GARIN3: variants seen among roughly 807,000 people sequenced by gnomAD.
The protein encoded by GARIN3 is Golgi-associated RAB2 interactor protein 3.
chr5:157,162,803 C>T, the GARIN3 span: 15 of 1,614,082 alleles, frequency 9.3e-6, no homozygotes, highest in South Asian at 3.3e-5. Context: ...TTGCCCCTTA[C>T]GTTGCTGTAC....
chr5:157,166,052 G>A, the GARIN3 span: 1 of 1,614,172 alleles, frequency 6.2e-7, no homozygotes, highest in Non-Finnish European at 8.5e-7. Flanking sequence ...ACTTGAAAAT[G>A]TTGTACTCTC....
At chr5:157,163,042 A>C in the GARIN3 span, 1 of 1,614,166 alleles carries the variant, frequency 6.2e-7, no homozygotes, top group Non-Finnish European at 8.5e-7. Context: ...TCGTTCACTC[A>C]TGTAGCCTTC....
At chr5:157,163,696 G>A in the GARIN3 span, 2 of 1,574,200 alleles carry the variant, frequency 1.3e-6, no homozygotes, top group Non-Finnish European at 8.6e-7. Context: ...AGATTGAGAT[G>A]ACTGAAAGGG....
the GARIN3 span, chr5:157,163,171 C>G: frequency 6.2e-7 from 1 of 1,614,180 alleles, no homozygotes; most frequent in Non-Finnish European, 8.5e-7. Flanking sequence ...TTGGGAGAGA[C>G]TGGCGGCCCC....
At chr5:157,162,526 C>A in the GARIN3 span, 1 of 1,614,032 alleles carries the variant, frequency 6.2e-7, no homozygotes, top group African/African-American at 1.3e-5. Context: ...CAGCTCCTGG[C>A]CACCCTGGGC....
the GARIN3 span, chr5:157,166,022 A>T: frequency 6.2e-7 from 1 of 1,614,042 alleles, no homozygotes; most frequent in South Asian, 1.1e-5. Flanking sequence ...GAATAAAATT[A>T]CTCTCGAACA....
chr5:157,162,744 C>T, the GARIN3 span: 24 of 1,614,072 alleles, frequency 1.5e-5, no homozygotes, highest in African/African-American at 3.1e-4. Flanking sequence ...TTCTCGACTC[C>T]TTTTTGGTGG....
the GARIN3 span, chr5:157,163,441 G>A: frequency 1.2e-5 from 19 of 1,614,054 alleles, no homozygotes; most frequent in Admixed American, 3.2e-4. Flanking sequence ...AGGTCCTGTT[G>A]CTGTTCCTGC....
chr5:157,161,916 C>T, the GARIN3 span: 1 of 153,180 alleles, frequency 6.5e-6, no homozygotes, highest in Non-Finnish European at 1.5e-5. Flanking sequence ...CATGATTTGC[C>T]AATTCCTGAT....
chr5:157,164,079 A>C, the GARIN3 span, among the ~76,000 whole-genome samples: 5 of 152,086 alleles, frequency 3.3e-5, no homozygotes, highest in East Asian at 9.7e-4. Flanking sequence ...GAAAGAAAGA[A>C]AGAAAGAAAA....
chr5:157,165,972 C>CAAT, the GARIN3 span: 1 of 1,614,154 alleles, frequency 6.2e-7, no homozygotes, highest in Non-Finnish European at 8.5e-7. Context: ...CATTCGGACA[C>CAAT]GGTTGTGTAC....
At chr5:157,166,245 C>T in the GARIN3 span, 1 of 1,539,656 alleles carries the variant, frequency 6.5e-7, no homozygotes, top group Admixed American at 1.9e-5. Context: ...GGTAACTGCC[C>T]ATCTCCCTAC....
At chr5:157,166,204 A>G in the GARIN3 span, 16 of 1,582,750 alleles carry the variant, frequency 1.0e-5, no homozygotes, top group South Asian at 1.2e-5. Flanking sequence ...ACCAGCCACA[A>G]ATAGAGTCCC....
the GARIN3 span, chr5:157,163,772 T>C: frequency 1.4e-5 from 19 of 1,396,628 alleles, no homozygotes; most frequent in Non-Finnish European, 1.7e-5. Flanking sequence ...TAGAAGAACC[T>C]GGGTCGGGTG....
the GARIN3 span, among the ~76,000 whole-genome samples, chr5:157,164,465 T>A: frequency 6.6e-6 from 1 of 152,214 alleles, no homozygotes; most frequent in Non-Finnish European, 1.5e-5. Flanking sequence ...GCCTAAGTCT[T>A]GCTCTCATTT....
At chr5:157,165,508 T>G in the GARIN3 span, 1 of 1,548,416 alleles carries the variant, frequency 6.5e-7, no homozygotes, top group Non-Finnish European at 8.7e-7. Context: ...GGACTGGCTT[T>G]GAACTGCTCC....
chr5:157,162,685 A>G, the GARIN3 span: 198 of 1,614,164 alleles, frequency 1.2e-4, no homozygotes, highest in African/African-American at 1.7e-3. Flanking sequence ...TTTCTTTTGT[A>G]AAGCTCCTGT....
chr5:157,166,059 T>G, the GARIN3 span: 1 of 1,614,210 alleles, frequency 6.2e-7, no homozygotes, highest in Non-Finnish European at 8.5e-7. Flanking sequence ...AATGTTGTAC[T>G]CTCCTCTGTT....
chr5:157,163,693 G>C, the GARIN3 span: 1 of 1,587,078 alleles, frequency 6.3e-7, no homozygotes, highest in Non-Finnish European at 8.6e-7. Context: ...ATGAGATTGA[G>C]ATGACTGAAA....
Sources: allele counts gnomAD v4.1 joint callset (sites outside exome capture counted in the v4.1 genomes callset), GRCh38; gene constraint gnomAD v4.1.1; transcripts MANE v1.5; gene names NCBI Gene and HGNC (gene_info 2026-07-23, HGNC 2026-07-21).